Variants in DNAJC18 observed in about 807,000 individuals in gnomAD.
DNAJC18 encodes the protein dnaJ homolog subfamily C member 18.
In DNAJC18, 40 loss-of-function variants were observed where a neutral mutation model predicts 48.6. The observed-to-expected ratio is 0.82, with a 90% CI of 0.64 to 1.07. DNAJC18 has a LOEUF of 1.07. Ranked by LOEUF, DNAJC18 falls within the 50% of genes least tolerant of loss-of-function variation. The probability of loss-of-function intolerance (pLI) is 0.00; values close to 1 mark genes in which losing one functional copy is unlikely to be tolerated. For missense variants in DNAJC18, 340 were observed against 427.7 expected, an observed-to-expected ratio of 0.79 and a Z score of 1.81; for synonymous variants, 135 against 152.2, an observed-to-expected ratio of 0.89 and a Z score of 0.83.
At chr5:139,435,705 G>GTTTTTTTTTTT (rs377125785) in intron 2 of DNAJC18, among the ~76,000 whole-genome samples, 1,036 of 41,188 alleles carry the variant, frequency 0.025, 393 homozygotes, top group Middle Eastern at 0.036. Flanking sequence ...TTCATTGGAA[G>GTTTTTTTTTTT]TTTTTTTTTT....
At chr5:139,424,039 T>A (rs1424683039) in intron 5 of DNAJC18, among the ~76,000 whole-genome samples, 1 of 152,196 alleles carries the variant, frequency 6.6e-6, no homozygotes, top group Non-Finnish European at 1.5e-5. Context: ...TCAGGGGACA[T>A]CCAACTCTGG....
At position 139,437,645 on chromosome 5, in the gene DNAJC18, G is replaced by A. The variant is rs185652910; in HGVS notation, c.41-87C>T. On this transcript the variant is annotated intron_variant, in intron 1 of 7. Coordinates refer to ENST00000302060, the MANE Select transcript of DNAJC18 (RefSeq NM_152686.4). ...GCCTTTCCTCTCTGGGAGGCTGCTC[G>A]TAAGCATGAGAAGGTAAGCATGATG... 7.6e-5 allele frequency: 111 copies of A among 1,468,290 alleles called. No individual in the cohort carries two copies. The South Asian group carries it at 8.4e-4, about 11-fold the overall frequency. The allele number at this position is 1,468,290 out of a possible 1,614,324, so 91.0% of individuals were successfully genotyped here.
At chr5:139,415,119 G>A (rs1274350814) in intron 7 of DNAJC18, among the ~76,000 whole-genome samples, 2 of 152,148 alleles carry the variant, frequency 1.3e-5, no homozygotes, top group Non-Finnish European at 2.9e-5. Context: ...GCCTCCAACA[G>A]CAGGCAGCTA....
At chr5:139,430,655 T>A (rs903445712) in intron 2 of DNAJC18, among the ~76,000 whole-genome samples, 1 of 151,698 alleles carries the variant, frequency 6.6e-6, no homozygotes, top group African/African-American at 2.4e-5. Flanking sequence ...CTGCAACCTC[T>A]GCCTTCTGGG....
chr5:139,418,637 C>A, intron 7 of DNAJC18: 1 of 397,688 alleles, frequency 2.5e-6, no homozygotes, highest in South Asian at 1.8e-5. Flanking sequence ...CTTCCTAATG[C>A]ACCTTGAGAG....
chr5:139,416,058 T>C (rs929812865), intron 7 of DNAJC18, among the ~76,000 whole-genome samples: 2 of 152,184 alleles, frequency 1.3e-5, no homozygotes, highest in African/African-American at 4.8e-5. Flanking sequence ...GCAATGACCT[T>C]GTACAAGGTC....
At chr5:139,423,501 C>T (rs888584973) in intron 5 of DNAJC18, among the ~76,000 whole-genome samples, 13 of 151,484 alleles carry the variant, frequency 8.6e-5, no homozygotes, top group Non-Finnish European at 1.9e-4. Context: ...ATGATTCTCT[C>T]GCCTCAGCCT....
intron 7 of DNAJC18, chr5:139,418,619 C>T (rs1759104431): frequency 2.7e-6 from 1 of 365,506 alleles, no homozygotes; most frequent in Admixed American, 3.2e-5. Flanking sequence ...AGAGTCATTG[C>T]TCACCAACTT....
In DNAJC18 at chr5:139,411,726, G is replaced by A. The variant is rs1167961035; in HGVS notation, c.*2422C>T. 1 of 152,178 alleles carries A rather than the reference G, an allele frequency of 6.6e-6. No homozygotes were observed. Among genetic ancestry groups the A allele is most frequent in the Non-Finnish European group, 1.5e-5 (1 of 68,028 alleles). The allele number at this position is 152,178 out of a possible 1,614,324, so 9.4% of individuals were successfully genotyped here. Reference sequence around the variant, plus strand: ...ACAGACAATCAGCGTGACATTTAATGGAGTTAGTTATTATTGCTTCTATTT... The same window carrying A: ...ACAGACAATCAGCGTGACATTTAATAGAGTTAGTTATTATTGCTTCTATTT... On this transcript the variant is annotated 3_prime_UTR_variant, in exon 8 of 8. Coordinates refer to ENST00000302060, the MANE Select transcript of DNAJC18 (RefSeq NM_152686.4).
At chr5:139,422,310 T>A (rs1460799152) in intron 6 of DNAJC18, among the ~76,000 whole-genome samples, 1 of 152,214 alleles carries the variant, frequency 6.6e-6, no homozygotes, top group Non-Finnish European at 1.5e-5. Flanking sequence ...TTGAAAATAA[T>A]CACTTGATCC....
At position 139,422,739 on chromosome 5, in the gene DNAJC18, T is replaced by C. The variant is rs781059810; in HGVS notation, c.748A>G (p.Thr250Ala). 10 of 1,610,478 alleles carry C rather than the reference T, an allele frequency of 6.2e-6. No homozygotes were observed. Among genetic ancestry groups the C allele is most frequent in the Non-Finnish European group, 7.6e-6 (9 of 1,178,760 alleles). ...IISVITQLLA[T>A]NPPYSLFYKS... ...TAGAACAGACTATATGGGGGATTAG[T>C]AGCCAGCAGCTGAGTAATGACAGAT... The change falls in exon 6 of 8, where the codon ACT becomes GCT. Residue 250 changes from threonine (T) to alanine (A), a missense_variant. Transcript: ENST00000302060.
intron 2 of DNAJC18, among the ~76,000 whole-genome samples, chr5:139,430,437 A>G (rs1402928876): frequency 6.6e-6 from 1 of 152,222 alleles, no homozygotes; most frequent in Non-Finnish European, 1.5e-5. Context: ...TTTGCTGTGT[A>G]CTTAACCTCT....
intron 7 of DNAJC18, chr5:139,418,919 T>C: frequency 2.2e-6 from 1 of 452,212 alleles, no homozygotes; most frequent in Admixed American, 2.4e-5. Flanking sequence ...TCCCTGGAAC[T>C]CTAACACTGT....
At chr5:139,424,942 T>C (rs1470002343) in intron 5 of DNAJC18, 63 bp downstream of exon 5, 1 of 1,355,030 alleles carries the variant, frequency 7.4e-7, no homozygotes, top group Non-Finnish European at 1.1e-6. Context: ...CTTGACCATG[T>C]ACCATCAAGG....
chr5:139,414,339 G>T, intron 7 of DNAJC18, 67 bp from the exon 8 acceptor site: 1 of 1,535,670 alleles, frequency 6.5e-7, no homozygotes, highest in Non-Finnish European at 8.7e-7. Flanking sequence ...CAATGTTTCT[G>T]GAGTCAAAGC....
Position 139,414,021 on chromosome 5 carries a change from C to A in DNAJC18, c.*127G>T. The A allele has an allele frequency of 4.3e-6, 6 of 1,406,384 alleles. No homozygotes were observed. The highest frequency in any genetic ancestry group is 5.7e-6 in the Non-Finnish European group (6 of 1,061,314). 87.1% of individuals were successfully genotyped at this position (1,406,384 alleles called of 1,614,324 possible). ...TCGTGCCCATGCTCCTGCCACTCTGCCCAACCAACGAAGTTAGCAAATAGT... is the reference window on the plus strand; with the variant it reads ...TCGTGCCCATGCTCCTGCCACTCTGACCAACCAACGAAGTTAGCAAATAGT... On this transcript the variant is annotated 3_prime_UTR_variant, in exon 8 of 8. Coordinates refer to ENST00000302060, the MANE Select transcript of DNAJC18 (RefSeq NM_152686.4).
Position 139,412,973 on chromosome 5 carries a change from C to T in DNAJC18, c.*1175G>A, listed in dbSNP as rs1008614897. On this transcript the variant is annotated 3_prime_UTR_variant, in exon 8 of 8. Transcript: ENST00000302060. ...GCTCTCCCACTTTCTACTTGACACT[C>T]AGCCTACCGTCTTGCTCTGCCACTA... is the stretch of plus-strand genomic sequence containing the variant. 1.8e-5 allele frequency: 7 copies of T among 398,308 alleles called. No homozygotes were observed. Among genetic ancestry groups the T allele is most frequent in the African/African-American group, 1.4e-4 (7 of 48,650 alleles). 24.7% of individuals were successfully genotyped at this position (398,308 alleles called of 1,614,324 possible).
At chr5:139,421,716 A>T (rs1224489696) in intron 6 of DNAJC18, among the ~76,000 whole-genome samples, 4 of 151,842 alleles carry the variant, frequency 2.6e-5, no homozygotes, top group Non-Finnish European at 5.9e-5. Context: ...GCTGAGGCAC[A>T]TGAATTCCTT....
chr5:139,428,402 A>G, intron 3 of DNAJC18, 136 bp downstream of exon 3: 2 of 1,187,894 alleles, frequency 1.7e-6, no homozygotes, highest in Non-Finnish European at 2.3e-6. Context: ...TATGCTGATT[A>G]TCACTATTTA....
Sources: gnomAD v4.1 joint callset for allele counts (sites outside exome capture counted in the v4.1 genomes callset) on GRCh38, gnomAD v4.1.1 for gene constraint, MANE v1.5 for transcripts, NCBI Gene and HGNC (gene_info 2026-07-23, HGNC 2026-07-21) for gene names.